AGL: variants seen among roughly 807,000 people sequenced by gnomAD.
AGL encodes the protein amylo-alpha-1,6-glucosidase and 4-alpha-glucanotransferase, also known as glycogen debranching enzyme.
In AGL, 128 loss-of-function variants were observed where a neutral mutation model predicts 199.3. The ratio of observed to expected loss-of-function variants is 0.64; its 90% CI spans 0.56 to 0.74. The LOEUF is 0.74. Among genes scored for constraint, AGL ranks in the 30% least tolerant of loss-of-function variants. AGL has a pLI of 0.00. For missense variants in AGL, 1,809 were observed against 1,820.8 expected (o/e 0.99, Z 0.12); for synonymous variants, 584 against 594.7 (o/e 0.98, Z 0.26).
intron 4 of AGL, among the ~76,000 whole-genome samples, chr1:99,863,047 T>C (rs1650193486): frequency 6.6e-6 from 1 of 152,012 alleles, no homozygotes; most frequent in Non-Finnish European, 1.5e-5. Context: ...TCAAACGATT[T>C]TCCTGCCTCA....
intron 27 of AGL, among the ~76,000 whole-genome samples, chr1:99,909,757 A>G (rs905974478): frequency 1.3e-5 from 2 of 152,022 alleles, no homozygotes; most frequent in African/African-American, 4.8e-5. Flanking sequence ...GAGTCCTCTT[A>G]TGATAGTCCA....
intron 2 of AGL, among the ~76,000 whole-genome samples, chr1:99,852,182 A>C (rs948410375): frequency 1.3e-5 from 2 of 151,986 alleles, no homozygotes; most frequent in Non-Finnish European, 2.9e-5. Context: ...TCATGGCCTC[A>C]ACTGTTGCCT....
intron 15 of AGL, 33 bp from the exon 16 acceptor site, chr1:99,881,259 G>T (rs769873804): frequency 6.2e-7 from 1 of 1,613,918 alleles, no homozygotes; most frequent in Non-Finnish European, 8.5e-7. Flanking sequence ...TTGTAATTAA[G>T]ATGTATCCAT....
chr1:99,881,122 T>C lies in AGL; in HGVS notation c.1946T>C (p.Met649Thr). The C allele has an allele frequency of 6.2e-7, 1 of 1,614,048 alleles. No homozygotes were observed. Among genetic ancestry groups the C allele is most frequent in the Middle Eastern group, 1.6e-4 (1 of 6,062 alleles). ...DALPSTTIVS[M>T]ACCASGSTRG... Reference sequence around the variant, plus strand: ...CTTCCAAGTACTACAATTGTTTCTATGGCATGTTGTGCTAGTGGAAGTACA... The same window carrying C: ...CTTCCAAGTACTACAATTGTTTCTACGGCATGTTGTGCTAGTGGAAGTACA... The change falls in exon 15 of 34, where the codon ATG becomes ACG. Residue 649 changes from methionine (M) to threonine (T), a missense_variant. By Grantham distance (81) the Met-to-Thr change is moderately conservative. Coordinates refer to ENST00000361915, the MANE Select transcript of AGL (RefSeq NM_000642.3).
intron 20 of AGL, among the ~76,000 whole-genome samples, chr1:99,886,235 G>T (rs762029867): frequency 3.9e-5 from 6 of 152,154 alleles, no homozygotes; most frequent in Non-Finnish European, 8.8e-5. Context: ...CAGCACTTTG[G>T]TAGGCCAAGG....
At chr1:99,890,218 C>T (rs1043887557) in intron 21 of AGL, among the ~76,000 whole-genome samples, 2 of 152,180 alleles carry the variant, frequency 1.3e-5, no homozygotes, top group African/African-American at 4.8e-5. Context: ...ACCTCATCTA[C>T]AAATCATTCC....
rs1424213594 is a variant in AGL, at chr1:99,922,846, T to C, written c.*1195T>C. On this transcript the variant is annotated 3_prime_UTR_variant, in exon 34 of 34. Coordinates refer to ENST00000361915, the MANE Select transcript of AGL (RefSeq NM_000642.3). ...TATTCAGTGGCTCATTTATACCTAATAAAATAATGGTATTTTAAAATAATG... is the reference window on the plus strand; with the variant it reads ...TATTCAGTGGCTCATTTATACCTAACAAAATAATGGTATTTTAAAATAATG... 6.6e-6 allele frequency: 1 copy of C among 152,048 alleles called. No individual in the cohort carries two copies. The highest frequency in any genetic ancestry group is 1.5e-5 in the Non-Finnish European group (1 of 67,918). The allele number at this position is 152,048 out of a possible 1,614,324, so 9.4% of individuals were successfully genotyped here. A position where few individuals can be genotyped will look rare whatever the true frequency, so the allele number is the denominator to read the frequency against.
chr1:99,849,485 C>T (rs1025085545), upstream of AGL, among the ~76,000 whole-genome samples: 3 of 152,124 alleles, frequency 2.0e-5, no homozygotes, highest in South Asian at 6.2e-4. Flanking sequence ...ATAAGTGCAG[C>T]TTAATCTCAG....
intron 25 of AGL, among the ~76,000 whole-genome samples, chr1:99,896,935 G>A (rs1653374118): frequency 6.6e-6 from 1 of 152,116 alleles, no homozygotes; most frequent in Non-Finnish European, 1.5e-5. Context: ...TGCTGCCTCA[G>A]CCTCCTGAGT....
intron 25 of AGL, among the ~76,000 whole-genome samples, chr1:99,899,657 G>C (rs1653652416): frequency 1.4e-5 from 2 of 146,272 alleles, no homozygotes; most frequent in Admixed American, 1.4e-4. Context: ...GTCTCGCTCT[G>C]CCATCCAGGC....
chr1:99,851,247 T>C, intron 2 of AGL, 123 bp downstream of exon 2: 1 of 883,266 alleles, frequency 1.1e-6, no homozygotes, highest in East Asian at 2.6e-5. Context: ...AAAACTTGAT[T>C]TGTGCAAAGA....
chr1:99,908,857 G>A (rs1654519594), intron 27 of AGL, among the ~76,000 whole-genome samples: 1 of 152,070 alleles, frequency 6.6e-6, no homozygotes, highest in African/African-American at 2.4e-5. Context: ...GGTTATTCTG[G>A]TCTACTTCAT....
At chr1:99,886,791 G>A (rs1652489359) in intron 20 of AGL, among the ~76,000 whole-genome samples, 1 of 152,102 alleles carries the variant, frequency 6.6e-6, no homozygotes, top group East Asian at 1.9e-4. Context: ...TTATTGTTAA[G>A]GATATTAACT....
chr1:99,861,847 T>C (rs1219697045), intron 3 of AGL, 134 bp downstream of exon 3: 1 of 1,032,138 alleles, frequency 9.7e-7, no homozygotes, highest in Non-Finnish European at 1.5e-6. Context: ...GCAAATAGAA[T>C]ATTCTTTGAT....
intron 4 of AGL, 127 bp downstream of exon 4, chr1:99,862,550 G>C: frequency 1.9e-6 from 2 of 1,026,520 alleles, no homozygotes; most frequent in Non-Finnish European, 2.9e-6. Flanking sequence ...CCTGAGACTG[G>C]GTAATTTATA....
chr1:99,861,736 G>T (rs60661856), intron 3 of AGL, 23 bp downstream of exon 3: 1 of 1,610,870 alleles, frequency 6.2e-7, no homozygotes, highest in South Asian at 1.1e-5. Context: ...TTTTGTTTGT[G>T]AGAAAAAAAG....
chr1:99,866,013 A>G (rs764996556), intron 5 of AGL, among the ~76,000 whole-genome samples: 1 of 152,186 alleles, frequency 6.6e-6, no homozygotes, highest in Non-Finnish European at 1.5e-5. Flanking sequence ...TGCACCTGTA[A>G]TCCCAGCTGC....
chr1:99,884,288 AACATTAGAACTATT>A, intron 18 of AGL, 37 bp from the exon 19 acceptor site: 1 of 1,612,388 alleles, frequency 6.2e-7, no homozygotes. Context: ...GCATTTTAAG[AACATTAGAACTATT>A]TGTTGAATGG....
chr1:99,859,472 A>G (rs1649854371), intron 2 of AGL, among the ~76,000 whole-genome samples: 1 of 152,090 alleles, frequency 6.6e-6, no homozygotes. Context: ...TGTTTCAGCC[A>G]TACTTTTTTC....
Sources: gnomAD v4.1 joint callset for allele counts (sites outside exome capture counted in the v4.1 genomes callset) on GRCh38, gnomAD v4.1.1 for gene constraint, MANE v1.5 for transcripts, NCBI Gene and HGNC (gene_info 2026-07-23, HGNC 2026-07-21) for gene names.